Variants in SEMA3A observed in about 807,000 individuals in gnomAD.
SEMA3A encodes the protein semaphorin 3A.
Under a neutral mutation model 97.9 loss-of-function variants are expected in SEMA3A, and 29 were observed. The ratio of observed to expected loss-of-function variants is 0.30; its 90% CI spans 0.22 to 0.40. The LOEUF (loss-of-function observed/expected upper bound fraction) is 0.40, where lower values mean the gene tolerates loss of function less well. Ranked by LOEUF, SEMA3A falls within the 10% of genes least tolerant of loss-of-function variation. The probability of loss-of-function intolerance (pLI) is 1.00; values close to 1 mark genes in which losing one functional copy is unlikely to be tolerated. For missense variants in SEMA3A, 763 were observed against 951.3 expected (o/e 0.80, Z 2.60); for synonymous variants, 321 against 323.7 (o/e 0.99, Z 0.09).
At chr7:84,074,878 T>C (rs371993829) in intron 4 of SEMA3A, among the ~76,000 whole-genome samples, 3 of 152,086 alleles carry the variant, frequency 2.0e-5, no homozygotes, top group East Asian at 3.9e-4. Context: ...GCAACTATAA[T>C]TGTTTAATAA....
chr7:83,991,286 C>G (rs2022990884), intron 12 of SEMA3A, among the ~76,000 whole-genome samples: 1 of 152,062 alleles, frequency 6.6e-6, no homozygotes, highest in Non-Finnish European at 1.5e-5. Context: ...TTGACTTCCT[C>G]TTTTCTTAAT....
intron 13 of SEMA3A, among the ~76,000 whole-genome samples, chr7:83,982,241 C>A (rs1345545085): frequency 2.0e-5 from 3 of 152,108 alleles, no homozygotes; most frequent in Admixed American, 6.6e-5. Context: ...TAAGAATTAA[C>A]TTCCTTATTA....
intron 4 of SEMA3A, among the ~76,000 whole-genome samples, chr7:84,067,129 G>A (rs1350508659): frequency 6.6e-6 from 1 of 152,078 alleles, no homozygotes; most frequent in Non-Finnish European, 1.5e-5. Context: ...ATATCTACAA[G>A]TATCTGTTCT....
At chr7:84,273,804 G>A (rs1800216245) in intron 3 of SEMA3A, among the ~76,000 whole-genome samples, 1 of 151,704 alleles carries the variant, frequency 6.6e-6, no homozygotes, top group African/African-American at 2.4e-5. Flanking sequence ...TTTACTATTA[G>A]AGTCATGTAT....
chr7:84,208,396 GAGCCGAGATCCTGCCACTGCAGTCC>G (rs6150199), intron 3 of SEMA3A, among the ~76,000 whole-genome samples: 61,084 of 151,108 alleles, frequency 0.4, 12,773 homozygotes, highest in Non-Finnish European at 0.48. Context: ...AGCTTGCAGT[GAGCCGAGATCCTGCCACTGCAGTCC>G]AGCCTGGGTG....
intron 5 of SEMA3A, among the ~76,000 whole-genome samples, chr7:84,049,751 A>G (rs963587068): frequency 8.6e-5 from 13 of 151,240 alleles, no homozygotes; most frequent in African/African-American, 3.2e-4. Flanking sequence ...TTTAGGGTAC[A>G]TGTGCACAAT....
chr7:84,475,068 T>G lies in SEMA3A; in HGVS notation c.-246+17392A>C, dbSNP rs1806246617. 1.3e-5 allele frequency among the ~76,000 whole-genome samples: 2 copies of G among 151,950 alleles called. 1 individual carries two copies. Among genetic ancestry groups the G allele is most frequent in the South Asian group, 4.1e-4 (2 of 4,826 alleles). ...GGGCTGGAGGCACCAGAGTTCTTGCTCCCCCTTCTCCCCCAACCCCCAAGA... is the reference window on the plus strand; with the variant it reads ...GGGCTGGAGGCACCAGAGTTCTTGCGCCCCCTTCTCCCCCAACCCCCAAGA... On this transcript the variant is annotated intron_variant, in intron 1 of 3. Coordinates refer to the SEMA3A transcript ENST00000424555.
intron 6 of SEMA3A, among the ~76,000 whole-genome samples, chr7:84,040,061 A>T (rs1400104397): frequency 1.3e-5 from 2 of 152,030 alleles, no homozygotes; most frequent in South Asian, 4.1e-4. Flanking sequence ...TAAAAAATTT[A>T]AATATTATAT....
chr7:84,491,984 T>C (rs917605355), intron 1 of SEMA3A, among the ~76,000 whole-genome samples: 3 of 152,140 alleles, frequency 2.0e-5, no homozygotes, highest in Non-Finnish European at 2.9e-5. Flanking sequence ...ATAGAACAGA[T>C]TTGTTAGGCA....
In SEMA3A at chr7:84,142,837, G is replaced by A. The variant is rs190938847; in HGVS notation, c.113-7886C>T. Among the ~76,000 whole-genome samples the A allele has an allele frequency of 1.6e-4, 24 of 152,126 alleles. 1 individual carries two copies. Among genetic ancestry groups the A allele is most frequent in the Admixed American group, 3.3e-4 (5 of 15,268 alleles). On this transcript the variant is annotated intron_variant, in intron 1 of 16. Coordinates refer to ENST00000265362, the MANE Select transcript of SEMA3A (RefSeq NM_006080.3). ...TACTAGAAACCTCTATTTACATATT[G>A]TACAAACATCTCAGAGTCCGCATGA...
intron 6 of SEMA3A, among the ~76,000 whole-genome samples, chr7:84,044,089 GTCT>G (rs1792249364): frequency 6.6e-6 from 1 of 151,902 alleles, no homozygotes; most frequent in Non-Finnish European, 1.5e-5. Flanking sequence ...GTAGATCAAA[GTCT>G]TCTTTCTAAA....
intron 1 of SEMA3A, among the ~76,000 whole-genome samples, chr7:84,432,663 T>C (rs1250651320): frequency 1.3e-5 from 2 of 152,168 alleles, no homozygotes; most frequent in Admixed American, 6.6e-5. Flanking sequence ...CCTGCATTAA[T>C]TCACTTAGGA....
At chr7:84,409,300 C>T (rs966070800) in intron 1 of SEMA3A, among the ~76,000 whole-genome samples, 1 of 150,848 alleles carries the variant, frequency 6.6e-6, no homozygotes, top group Non-Finnish European at 1.5e-5. Flanking sequence ...CCACATGTAC[C>T]CCATAAATAT....
At chr7:84,085,735 G>A (rs1385946586) in intron 4 of SEMA3A, among the ~76,000 whole-genome samples, 1 of 152,004 alleles carries the variant, frequency 6.6e-6, no homozygotes, top group African/African-American at 2.4e-5. Flanking sequence ...ACCTTTTAAA[G>A]TAAATGAAGC....
rs555538258 is a variant in SEMA3A at position 84,016,396 on chromosome 7, A to G, written c.668-2045T>C. Among the ~76,000 whole-genome samples, 511 of 151,848 alleles carry G rather than the reference A, an allele frequency of 3.4e-3. 2 individuals carry two copies. The highest frequency in any genetic ancestry group is 0.012 in the African/African-American group (489 of 41,424). The stretch of plus-strand genomic sequence containing the variant: ...CTACTAAAAATACAAAAATTAGCCG[A>G]GCGTGGTGGCGGGCTCCTGTAGTCC... On this transcript the variant is annotated intron_variant, in intron 6 of 16. Transcript: ENST00000265362.
intron 3 of SEMA3A, among the ~76,000 whole-genome samples, chr7:84,249,412 T>TATCTATCTATC (rs1451369487): frequency 3.3e-5 from 5 of 151,188 alleles, no homozygotes. Flanking sequence ...TCTATCTATC[T>TATCTATCTATC]ATCTATCATC....
intron 1 of SEMA3A, among the ~76,000 whole-genome samples, chr7:84,403,588 G>A (rs1803971410): frequency 1.3e-5 from 2 of 152,194 alleles, no homozygotes. Flanking sequence ...AGAACGGGCA[G>A]ACTGCCTCCT....
chr7:84,222,181 A>G (rs1798897800), intron 3 of SEMA3A, among the ~76,000 whole-genome samples: 1 of 151,996 alleles, frequency 6.6e-6, no homozygotes, highest in African/African-American at 2.4e-5. Flanking sequence ...CTATTAAATG[A>G]AAAAATGATC....
chr7:84,491,256 T>C (rs1281111180), intron 1 of SEMA3A, among the ~76,000 whole-genome samples: 3 of 152,124 alleles, frequency 2.0e-5, no homozygotes, highest in African/African-American at 4.8e-5. Context: ...TTTTGTCTAA[T>C]TTTGCCTAAC....
Sources: gnomAD v4.1 joint callset for allele counts (sites outside exome capture counted in the v4.1 genomes callset) on GRCh38, gnomAD v4.1.1 for gene constraint, MANE v1.5 for transcripts, NCBI Gene and HGNC (gene_info 2026-07-23, HGNC 2026-07-21) for gene names.